MICAL2: variants seen among roughly 807,000 people sequenced by gnomAD.
MICAL2 encodes [F-actin]-monooxygenase MICAL2.
In MICAL2, 77 loss-of-function variants were observed where a neutral mutation model predicts 127.3. The observed-to-expected ratio is 0.60, with a 90% CI of 0.50 to 0.73. The LOEUF (loss-of-function observed/expected upper bound fraction) is 0.73, where lower values mean the gene tolerates loss of function less well. MICAL2 is among the 30% of genes least tolerant of loss of function. The pLI is 0.00. For missense variants in MICAL2, 1,351 were observed against 1,434.4 expected (o/e 0.94, Z 0.94); for synonymous variants, 570 against 551.1 (o/e 1.03, Z -0.48).
At chr11:12,340,980 A>G (rs1938855257) in intron 32 of MICAL2, among the ~76,000 whole-genome samples, 1 of 152,214 alleles carries the variant, frequency 6.6e-6, no homozygotes, top group Non-Finnish European at 1.5e-5. Flanking sequence ...TCAAGACTGA[A>G]TCAGGCCAGA....
downstream of MICAL2, chr11:12,358,534 G>A: frequency 1.3e-6 from 2 of 1,538,956 alleles, no homozygotes; most frequent in Non-Finnish European, 1.8e-6. Context: ...CAGGCCAAGT[G>A]CACCACACAC....
intron 32 of MICAL2, among the ~76,000 whole-genome samples, chr11:12,327,836 A>C (rs1864372101): frequency 6.7e-6 from 1 of 150,084 alleles, no homozygotes; most frequent in Non-Finnish European, 1.5e-5. Flanking sequence ...TCAAGGATTA[A>C]GATAAATTCA....
At chr11:12,274,926 C>T (rs1274687573), upstream of MICAL2, among the ~76,000 whole-genome samples, 2 of 151,872 alleles carry the variant, frequency 1.3e-5, no homozygotes, top group African/African-American at 2.4e-5. Flanking sequence ...TGGGGCACAG[C>T]AAGAGGCAGG....
chr11:12,197,115 ACATGAGCCTGTAATCCC>A (rs1043095494), intron 3 of MICAL2, among the ~76,000 whole-genome samples: 3 of 152,220 alleles, frequency 2.0e-5, no homozygotes, highest in Non-Finnish European at 4.4e-5. Flanking sequence ...AGGTTTGGGA[ACATGAGCCTGTAATCCC>A]CAGAGCCATC....
rs757455398 is a variant in MICAL2 at position 12,227,244 on chromosome 11, C to T, written c.1995+113C>T. 6.5e-5 allele frequency: 48 copies of T among 742,402 alleles called. 2 individuals are homozygous for T. The highest frequency in any genetic ancestry group is 6.4e-4 in the South Asian group (36 of 56,608). The allele number at this position is 742,402 out of a possible 1,614,324, so 46.0% of individuals were successfully genotyped here. A position where few individuals can be genotyped will look rare whatever the true frequency, so the allele number is the denominator to read the frequency against. Reference sequence around the variant, plus strand: ...AGGCTAGTAAGTTACATGGATCAGGCGCTCCCGGAAGATGCTAGTAAAACT... The same window carrying T: ...AGGCTAGTAAGTTACATGGATCAGGTGCTCCCGGAAGATGCTAGTAAAACT... On this transcript the variant is annotated intron_variant, in intron 15 of 27. Coordinates refer to ENST00000683283, the MANE Select transcript of MICAL2 (RefSeq NM_001282663.2).
At position 12,226,321 on chromosome 11, in the gene MICAL2, C is replaced by T. The variant is rs958999733; in HGVS notation, c.1839C>T (p.Tyr613=). The T allele has an allele frequency of 6.2e-7, 1 of 1,614,192 alleles. No homozygotes were observed. The highest frequency in any genetic ancestry group is 8.5e-7 in the Non-Finnish European group (1 of 1,180,018). ...QEPDKLSMVM[Y]LSKFYELFRG... ...CTGACAAGCTCAGCATGGTCATGTA[C>T]CTCTCCAAGTTCTACGAGCTCTTCC... Residue 613 remains tyrosine (Y), a synonymous_variant, in exon 14 of 28, where the codon TAC becomes TAT. Coordinates refer to ENST00000683283, the MANE Select transcript of MICAL2 (RefSeq NM_001282663.2).
intron 1 of MICAL2, among the ~76,000 whole-genome samples, chr11:12,119,062 C>T (rs1304660605): frequency 6.6e-6 from 1 of 152,122 alleles, no homozygotes; most frequent in Non-Finnish European, 1.5e-5. Context: ...CTGTAGGGAG[C>T]CAACCTCCAT....
At chr11:12,293,606 A>C (rs1470644785), downstream of MICAL2, 1 of 1,613,838 alleles carries the variant, frequency 6.2e-7, no homozygotes, top group Admixed American at 1.7e-5. Flanking sequence ...AGGTCATCCA[A>C]GTCCTCCCAC....
At chr11:12,240,536 T>C (rs571668407) in intron 17 of MICAL2, among the ~76,000 whole-genome samples, 1 of 152,302 alleles carries the variant, frequency 6.6e-6, no homozygotes, top group African/African-American at 2.4e-5. Context: ...AAGGGGGCCA[T>C]TTCCTTGAGA....
At chr11:12,114,529 C>T (rs1285794450) in intron 1 of MICAL2, among the ~76,000 whole-genome samples, 1 of 152,210 alleles carries the variant, frequency 6.6e-6, no homozygotes, top group South Asian at 2.1e-4. Context: ...AACTGCCCAT[C>T]TCCCCTACTA....
chr11:12,164,346 G>A (rs565464808), intron 3 of MICAL2, among the ~76,000 whole-genome samples: 9 of 152,292 alleles, frequency 5.9e-5, no homozygotes, highest in African/African-American at 1.4e-4. Flanking sequence ...AACCCATCTC[G>A]TAAAAACCGC....
intron 2 of MICAL2, among the ~76,000 whole-genome samples, chr11:12,151,486 C>T (rs1853572003): frequency 6.6e-6 from 1 of 152,128 alleles, no homozygotes. Context: ...TAGGGTAATG[C>T]CTCCTGCCTA....
At chr11:12,136,148 G>A (rs1394047804) in intron 1 of MICAL2, among the ~76,000 whole-genome samples, 46 of 152,024 alleles carry the variant, frequency 3.0e-4, no homozygotes, top group Non-Finnish European at 2.9e-5. Context: ...CCCAAATCAG[G>A]CCCATGAGGG....
chr11:12,341,481 T>C (rs1938863851), intron 32 of MICAL2, among the ~76,000 whole-genome samples: 1 of 151,712 alleles, frequency 6.6e-6, no homozygotes, highest in Non-Finnish European at 1.5e-5. Flanking sequence ...AAAAAAGACA[T>C]AAGTTTAAAG....
chr11:12,195,254 C>T (rs1859743805), intron 3 of MICAL2, among the ~76,000 whole-genome samples: 1 of 152,156 alleles, frequency 6.6e-6, no homozygotes, highest in Non-Finnish European at 1.5e-5. Context: ...AAGACCCTGT[C>T]TCTAAAAACC....
At chr11:12,232,911 A>G (rs922376484) in intron 15 of MICAL2, among the ~76,000 whole-genome samples, 2 of 152,138 alleles carry the variant, frequency 1.3e-5, no homozygotes, top group Admixed American at 1.3e-4. Flanking sequence ...ATTGCACACC[A>G]TTCTGAGTAG....
Position 12,242,449 on chromosome 11 carries a change from T to C in MICAL2, c.2556+17T>C. ...ATTCTCCAGGTGAGAGACTCACTTTTTGCCCGTCTCTGTCCGTGTCTGGGT... is the reference window on the plus strand; with the variant it reads ...ATTCTCCAGGTGAGAGACTCACTTTCTGCCCGTCTCTGTCCGTGTCTGGGT... On this transcript the variant is annotated intron_variant, in intron 19 of 27. Coordinates refer to ENST00000683283, the MANE Select transcript of MICAL2 (RefSeq NM_001282663.2). 1 of 1,588,744 alleles carries C rather than the reference T, an allele frequency of 6.3e-7. No homozygotes were observed. Among genetic ancestry groups the C allele is most frequent in the East Asian group, 2.2e-5 (1 of 44,454 alleles).
In MICAL2 at chr11:12,242,392, TG is replaced by T; in HGVS notation, c.2517del (p.Leu840CysfsTer104). ...TRPRAQALSG[V>X]LWRLQQVEEK... ...CCGAGGGCGCAGGCTCTTTCCGGGG[TG>T]CTGTGGCGGCTGCAGCAAGTGGAGG... is the stretch of plus-strand genomic sequence containing the variant. On this transcript the variant is annotated frameshift_variant, in exon 19 of 28. Transcript: ENST00000683283. LOFTEE classifies it high-confidence loss of function. The T allele has an allele frequency of 7.4e-6, 12 of 1,610,980 alleles. No homozygotes were observed. Among genetic ancestry groups the T allele is most frequent in the Non-Finnish European group, 1.0e-5 (12 of 1,177,790 alleles).
chr11:12,313,787 G>A (rs904042725), intron 29 of MICAL2, among the ~76,000 whole-genome samples: 3 of 151,620 alleles, frequency 2.0e-5, no homozygotes, highest in Non-Finnish European at 2.9e-5. Context: ...ATGGTTGAGG[G>A]GTTTGACTAT....
Sources: gnomAD v4.1 joint callset for allele counts (sites outside exome capture counted in the v4.1 genomes callset) on GRCh38, gnomAD v4.1.1 for gene constraint, MANE v1.5 for transcripts, NCBI Gene and HGNC (gene_info 2026-07-23, HGNC 2026-07-21) for gene names.